The following TG variants were observed in gnomAD, a reference collection of about 807,000 sequenced individuals.
TG encodes thyroid hormones.
Under a neutral mutation model 324.7 loss-of-function variants are expected in TG, and 270 were observed. The ratio of observed to expected loss-of-function variants is 0.83; its 90% CI spans 0.75 to 0.92. The LOEUF is 0.92. TG is among the 40% of genes least tolerant of loss of function. The pLI, the probability that TG is intolerant of heterozygous loss-of-function variation, is 0.00. For synonymous variants in TG, 1,401 were observed against 1,327.0 expected (o/e 1.06, Z -1.21); for missense variants, 3,591 against 3,456.4 (o/e 1.04, Z -0.98).
At chr8:133,003,927 C>G (rs1163894726) in intron 35 of TG, among the ~76,000 whole-genome samples, 1 of 152,202 alleles carries the variant, frequency 6.6e-6, no homozygotes, top group African/African-American at 2.4e-5. Context: ...CCTCTGTGAA[C>G]CTCACTTTTC....
chr8:132,923,627 A>G (rs527768307), intron 22 of TG, 119 bp downstream of exon 22: 2 of 1,249,002 alleles, frequency 1.6e-6, no homozygotes, highest in Admixed American at 2.8e-5. Flanking sequence ...GTTTTGAAAA[A>G]TTTTAATCTG....
At chr8:133,081,723 T>A (rs1391737212) in intron 41 of TG, among the ~76,000 whole-genome samples, 1 of 143,174 alleles carries the variant, frequency 7.0e-6, no homozygotes, top group Non-Finnish European at 1.6e-5. Context: ...GGGGGAGATC[T>A]TACTGTTCTC....
Position 133,012,035 on chromosome 8 carries a change from G to C in TG, c.6397G>C (p.Glu2133Gln). Reference protein sequence around the residue: ...FSAVRDLCLSECSQHEACLIT... With the variant: ...FSAVRDLCLSQCSQHEACLIT... The stretch of plus-strand genomic sequence containing the variant: ...TGCTGTCCGAGACCTCTGTTTGTCG[G>C]GTAAGGGGAGTTTCCAACCCACAGG... The change falls in exon 36 of 48, where the codon GAA becomes CAA. Residue 2133 changes from glutamate to glutamine, a missense_variant and splice_region_variant. Coordinates refer to ENST00000220616, the MANE Select transcript of TG (RefSeq NM_003235.5). 1 of 1,614,140 alleles carries C rather than the reference G, an allele frequency of 6.2e-7. No homozygotes were observed.
Position 132,919,462 on chromosome 8 carries a change from G to A in TG, c.4465G>A (p.Ala1489Thr), listed in dbSNP as rs745433898. 1 of 1,614,094 alleles carries A rather than the reference G, an allele frequency of 6.2e-7. No homozygotes were observed. Among genetic ancestry groups the A allele is most frequent in the East Asian group, 2.2e-5 (1 of 44,886 alleles). The change falls in exon 21 of 48, where the codon GCC becomes ACC. Residue 1489 changes from alanine (A) to threonine (T), a missense_variant. Ala to Thr is a moderately conservative substitution (Grantham distance 58, BLOSUM62 0). Coordinates refer to ENST00000220616, the MANE Select transcript of TG (RefSeq NM_003235.5). The part of the protein sequence containing the change: ...GFYQEQAGSL[A>T]CVPCPVGRTT... ...CTACCAAGAACAGGCAGGGAGCTTG[G>A]CCTGTGTCCCATGTCCTGTGGGCAG...
intron 26 of TG, among the ~76,000 whole-genome samples, 185 bp downstream of exon 26, chr8:132,941,727 A>G (rs1171558890): frequency 6.6e-6 from 1 of 152,162 alleles, no homozygotes; most frequent in Non-Finnish European, 1.5e-5. Flanking sequence ...CATGTTGCAC[A>G]CTGTGCTGGC....
chr8:133,079,476 C>T lies in TG; in HGVS notation c.7240-15568C>T, dbSNP rs572794440. 1.4e-4 allele frequency among the ~76,000 whole-genome samples: 22 copies of T among 152,162 alleles called. 1 individual carries two copies. The South Asian group carries it at 4.6e-3, about 32-fold the overall frequency. ...GGAGCCAGTTGTTATATTTCTCCAA[C>T]ATGTGTTGATGGGTTTCCCAGGGGA... On this transcript the variant is annotated intron_variant, in intron 41 of 47. Transcript: ENST00000220616.
At chr8:132,970,016 A>G (rs1253481394) in intron 32 of TG, among the ~76,000 whole-genome samples, 1 of 151,874 alleles carries the variant, frequency 6.6e-6, no homozygotes, top group Non-Finnish European at 1.5e-5. Flanking sequence ...AGCTAAGGTA[A>G]GTTACTGATA....
intron 11 of TG, among the ~76,000 whole-genome samples, chr8:132,896,381 G>A (rs1817102081): frequency 6.6e-6 from 1 of 152,216 alleles, no homozygotes; most frequent in Non-Finnish European, 1.5e-5. Context: ...TGGCATCCTT[G>A]TATCTGCAAG....
chr8:132,965,074 T>C, intron 29 of TG: 1 of 636,314 alleles, frequency 1.6e-6, no homozygotes, highest in Non-Finnish European at 2.8e-6. Context: ...CCTGAGCTCC[T>C]ACTTTGTGCC....
intron 15 of TG, 72 bp from the exon 16 acceptor site, chr8:132,901,281 G>A (rs1817889183): frequency 6.3e-7 from 1 of 1,582,136 alleles, no homozygotes; most frequent in Admixed American, 1.7e-5. Context: ...TGGGTGGTGA[G>A]GAGGGTGATT....
chr8:133,009,972 A>G (rs1834359950), intron 35 of TG, among the ~76,000 whole-genome samples: 1 of 152,118 alleles, frequency 6.6e-6, no homozygotes, highest in Non-Finnish European at 1.5e-5. Context: ...ATTTTAGTGA[A>G]CTCTCCACCA....
At chr8:132,872,213 T>A (rs1414441777) in intron 4 of TG, among the ~76,000 whole-genome samples, 1 of 151,910 alleles carries the variant, frequency 6.6e-6, no homozygotes, top group African/African-American at 2.4e-5. Context: ...GCGCGGTGGC[T>A]CACGCCTGTA....
intron 45 of TG, among the ~76,000 whole-genome samples, chr8:133,125,532 A>C (rs2958696): frequency 1.3e-5 from 2 of 152,232 alleles, no homozygotes; most frequent in Admixed American, 6.5e-5. Flanking sequence ...TCGTGTATTA[A>C]GCTGGAAGAA....
At chr8:133,093,454 G>A (rs1338449683) in intron 41 of TG, among the ~76,000 whole-genome samples, 2 of 152,146 alleles carry the variant, frequency 1.3e-5, no homozygotes, top group Admixed American at 6.5e-5. Flanking sequence ...CAGGAGACTC[G>A]GAGTTTGTCT....
intron 27 of TG, among the ~76,000 whole-genome samples, chr8:132,950,963 C>T (rs1177924935): frequency 2.6e-5 from 4 of 152,140 alleles, no homozygotes; most frequent in Non-Finnish European, 5.9e-5. Context: ...TGAAGACACT[C>T]AGGCACATAG....
At chr8:133,028,050 CTCTGACCTCTCAGAAG>C in intron 40 of TG, among the ~76,000 whole-genome samples, 1 of 152,360 alleles carries the variant, frequency 6.6e-6, no homozygotes, top group African/African-American at 2.4e-5. Context: ...ACATGCTCAC[CTCTGACCTCTCAGAAG>C]TCTAGACCCC....
At chr8:132,976,124 G>A (rs1354094024) in intron 34 of TG, among the ~76,000 whole-genome samples, 2 of 152,130 alleles carry the variant, frequency 1.3e-5, no homozygotes, top group Admixed American at 6.6e-5. Context: ...AAAGTGTCAC[G>A]GAAACATGGG....
chr8:133,129,366 G>A (rs1415778272), intron 45 of TG, among the ~76,000 whole-genome samples: 1 of 152,184 alleles, frequency 6.6e-6, no homozygotes, highest in African/African-American at 2.4e-5. Flanking sequence ...GAGAGCTGGT[G>A]GTACACATTG....
At chr8:132,953,758 C>G (rs961738334) in intron 27 of TG, among the ~76,000 whole-genome samples, 12 of 152,182 alleles carry the variant, frequency 7.9e-5, no homozygotes, top group Non-Finnish European at 1.5e-4. Flanking sequence ...ACTGGGTTGA[C>G]ATGTGTTCTC....
Sources: allele counts gnomAD v4.1 joint callset (sites outside exome capture counted in the v4.1 genomes callset), GRCh38; gene constraint gnomAD v4.1.1; transcripts MANE v1.5; gene names NCBI Gene and HGNC (gene_info 2026-07-23, HGNC 2026-07-21).